OARD1: variants seen among roughly 807,000 people sequenced by gnomAD.
OARD1 encodes ADP-ribose glycohydrolase OARD1.
In OARD1, 19 loss-of-function variants were observed where a neutral mutation model predicts 19.7. That is an observed-to-expected ratio of 0.96 (90% CI 0.67 to 1.41). The LOEUF (loss-of-function observed/expected upper bound fraction) is 1.41. Ranked by LOEUF, OARD1 falls within the 40% of genes most tolerant of loss-of-function variation. The pLI is 0.00. For missense variants in OARD1, 190 were observed against 183.8 expected (o/e 1.03, Z -0.20); for synonymous variants, 70 against 61.8 (o/e 1.13, Z -0.62).
chr6:41,076,409 A>C (rs1476556788), upstream of OARD1, among the ~76,000 whole-genome samples: 1 of 152,238 alleles, frequency 6.6e-6, no homozygotes, highest in Non-Finnish European at 1.5e-5. Context: ...AAAAGTTAAA[A>C]AGCTACTGTT....
Position 41,064,908 on chromosome 6 carries a change from C to T in OARD1, c.*2427G>A, listed in dbSNP as rs879366104. On this transcript the variant is annotated 3_prime_UTR_variant, in exon 6 of 6. Transcript: ENST00000424266. ...GTAATGGCAGGATGATGTCAAGTCT[C>T]TCTTTTTTTTTTTTTAAAGGTTTGT... 3 of 151,552 alleles carry T rather than the reference C, an allele frequency of 2.0e-5. No individual in the cohort carries two copies. The highest frequency in any genetic ancestry group is 4.4e-5 in the Non-Finnish European group (3 of 67,954). The allele number at this position is 151,552 out of a possible 1,614,324, so 9.4% of individuals were successfully genotyped here. A position where few individuals can be genotyped will look rare whatever the true frequency, so the allele number is the denominator to read the frequency against.
chr6:41,071,515 A>T (rs1763390479), intron 2 of OARD1, 81 bp downstream of exon 2: 3 of 1,243,856 alleles, frequency 2.4e-6, no homozygotes, highest in Non-Finnish European at 3.5e-6. Context: ...GCAATCATTA[A>T]TTTAATTAAA....
intron 2 of OARD1, 90 bp from the exon 3 acceptor site, chr6:41,071,366 C>A: frequency 1.6e-6 from 2 of 1,279,010 alleles, no homozygotes. Flanking sequence ...CCCACGACTA[C>A]CTCTCCCGGC....
intron 1 of OARD1, among the ~76,000 whole-genome samples, chr6:41,086,035 A>T (rs1444881395): frequency 6.6e-6 from 1 of 152,252 alleles, no homozygotes; most frequent in East Asian, 1.9e-4. Context: ...GCATAAATAT[A>T]TGAGGCTTTA....
At chr6:41,088,722 C>T (rs1183171115) in intron 1 of OARD1, among the ~76,000 whole-genome samples, 3 of 151,562 alleles carry the variant, frequency 2.0e-5, no homozygotes, top group Non-Finnish European at 4.4e-5. Flanking sequence ...GTAGCTGGGA[C>T]CACAGGCATG....
At chr6:41,079,017 C>A (rs1358321892) in intron 1 of OARD1, 4 of 1,373,536 alleles carry the variant, frequency 2.9e-6, no homozygotes, top group African/African-American at 2.9e-5. Flanking sequence ...TCTTTCCCCA[C>A]CTTTCTAACA....
At chr6:41,067,463 G>T in intron 5 of OARD1, 26 bp from the exon 6 acceptor site, 2 of 1,485,532 alleles carry the variant, frequency 1.3e-6, no homozygotes, top group Non-Finnish European at 1.9e-6. Flanking sequence ...TATCTCCATT[G>T]ATGGTAACGA....
upstream of OARD1, among the ~76,000 whole-genome samples, chr6:41,076,451 T>C (rs1763734914): frequency 2.0e-5 from 3 of 152,240 alleles, no homozygotes; most frequent in African/African-American, 4.8e-5. Context: ...TTATCAACTG[T>C]GATAATCCTA....
intron 1 of OARD1, chr6:41,091,843 A>C: frequency 1.2e-6 from 1 of 866,044 alleles, no homozygotes; most frequent in Non-Finnish European, 1.7e-6. Flanking sequence ...ACATTATGAC[A>C]AACCATAATT....
upstream of OARD1, among the ~76,000 whole-genome samples, chr6:41,076,727 G>C (rs971968393): frequency 1.3e-5 from 2 of 152,232 alleles, no homozygotes; most frequent in South Asian, 4.1e-4. Context: ...GCAAGAGCTA[G>C]ACAGACTAAA....
rs2114036505 is a variant in OARD1, at chr6:41,065,491, C to T, written c.*1844G>A. ...TAAGTTTCTTTAAGTTTCTTATCCC[C>T]CACTCTCACTTTCAATTTTGTGTAT... On this transcript the variant is annotated 3_prime_UTR_variant, in exon 6 of 6. Coordinates refer to ENST00000424266, the MANE Select transcript of OARD1 (RefSeq NM_001329686.2). 1 of 152,204 alleles carries T rather than the reference C, an allele frequency of 6.6e-6. No homozygotes were observed. The highest frequency in any genetic ancestry group is 2.1e-4 in the South Asian group (1 of 4,814). The allele number at this position is 152,204 out of a possible 1,614,324, so 9.4% of individuals were successfully genotyped here.
chr6:41,087,306 G>C (rs1005486088), intron 1 of OARD1, among the ~76,000 whole-genome samples: 4 of 152,104 alleles, frequency 2.6e-5, no homozygotes, highest in Non-Finnish European at 5.9e-5. Flanking sequence ...TAACAAAGTA[G>C]GATCCATGAA....
chr6:41,073,269 G>A (rs533667330), upstream of OARD1, among the ~76,000 whole-genome samples: 146 of 151,652 alleles, frequency 9.6e-4, no homozygotes, highest in Middle Eastern at 3.4e-3. Flanking sequence ...GGCACTCCCG[G>A]CCGAGGCCTG....
upstream of OARD1, among the ~76,000 whole-genome samples, chr6:41,077,115 C>A (rs1232046177): frequency 6.6e-6 from 1 of 152,134 alleles, no homozygotes; most frequent in Non-Finnish European, 1.5e-5. Context: ...AAGATGTAAA[C>A]TTCTGGATAT....
At chr6:41,073,961 C>T (rs777023219), upstream of OARD1, among the ~76,000 whole-genome samples, 2 of 151,514 alleles carry the variant, frequency 1.3e-5, no homozygotes, top group Admixed American at 6.6e-5. Flanking sequence ...CCAGTCCATT[C>T]GGTGCCTGGA....
At chr6:41,081,881 A>C (rs928140205) in intron 1 of OARD1, among the ~76,000 whole-genome samples, 5 of 152,222 alleles carry the variant, frequency 3.3e-5, no homozygotes, top group Non-Finnish European at 7.3e-5. Flanking sequence ...GTTAATCAAT[A>C]CAGTTCTTTA....
intron 1 of OARD1, chr6:41,097,655 A>G (rs1192211943): frequency 6.9e-6 from 3 of 432,966 alleles, no homozygotes; most frequent in Non-Finnish European, 8.4e-6. Flanking sequence ...TTGACATTTC[A>G]TGGATTCGGA....
chr6:41,087,772 T>A (rs1193209448), intron 1 of OARD1, among the ~76,000 whole-genome samples: 1 of 152,194 alleles, frequency 6.6e-6, no homozygotes, highest in Non-Finnish European at 1.5e-5. Flanking sequence ...ACCCAACATT[T>A]AAAGGGTTGT....
intron 1 of OARD1, chr6:41,091,609 C>T: frequency 6.2e-7 from 1 of 1,614,190 alleles, no homozygotes; most frequent in Non-Finnish European, 8.5e-7. Flanking sequence ...GGAGCCAATA[C>T]CAACACAACC....
Sources: gnomAD v4.1 joint callset for allele counts (sites outside exome capture counted in the v4.1 genomes callset) on GRCh38, gnomAD v4.1.1 for gene constraint, MANE v1.5 for transcripts, NCBI Gene and HGNC (gene_info 2026-07-23, HGNC 2026-07-21) for gene names.